Variants in GFPT1 observed in about 807,000 individuals in gnomAD.
The protein encoded by GFPT1 is glutamine--fructose-6-phosphate transaminase 1.
A neutral mutation model predicts 92.0 loss-of-function variants in GFPT1; 40 were observed. That is an observed-to-expected ratio of 0.43 (90% CI 0.34 to 0.57). The LOEUF (loss-of-function observed/expected upper bound fraction) is 0.57. Among genes scored for constraint, GFPT1 ranks in the 20% least tolerant of loss-of-function variants. GFPT1 has a pLI of 0.02. For synonymous variants in GFPT1, 269 were observed against 280.6 expected (o/e 0.96, Z 0.41); for missense variants, 448 against 869.1 (o/e 0.52, Z 6.09).
intron 2 of GFPT1, among the ~76,000 whole-genome samples, chr2:69,373,288 A>G (rs1050340878): frequency 1.3e-5 from 2 of 152,192 alleles, no homozygotes; most frequent in African/African-American, 4.8e-5. Flanking sequence ...GGTAGAACAT[A>G]AAGTTGCCAG....
chr2:69,344,109 G>C (rs1259398210), intron 12 of GFPT1, among the ~76,000 whole-genome samples: 1 of 134,038 alleles, frequency 7.5e-6, no homozygotes, highest in East Asian at 2.5e-4. Context: ...AATTACAAAT[G>C]TTTGAGAAGA....
chr2:69,342,783 C>T (rs1405421938), intron 12 of GFPT1, among the ~76,000 whole-genome samples: 3 of 152,160 alleles, frequency 2.0e-5, no homozygotes, highest in Non-Finnish European at 2.9e-5. Flanking sequence ...TCTCAATAAA[C>T]CTGTCTGGGA....
intron 13 of GFPT1, among the ~76,000 whole-genome samples, chr2:69,341,848 A>G (rs191336107): frequency 3.5e-4 from 54 of 152,324 alleles, no homozygotes; most frequent in Admixed American, 1.5e-3. Context: ...GCTCTTACAC[A>G]TGTAGGCAAG....
In GFPT1 at chr2:69,328,297, C is replaced by T; in HGVS notation, c.1867G>A (p.Ala623Thr). 1.2e-6 allele frequency: 2 copies of T among 1,613,970 alleles called. No individual in the cohort carries two copies. The highest frequency in any genetic ancestry group is 1.7e-6 in the Non-Finnish European group (2 of 1,179,858). Reference sequence around the variant, plus strand: ...TGCCGAGCAACCACTTGCTGAAGAGCATTCTGACACTTGGCATAAGTGTGA... The same window carrying T: ...TGCCGAGCAACCACTTGCTGAAGAGTATTCTGACACTTGGCATAAGTGTGA... ...RDHTYAKCQN[A>T]LQQVVARQGR... The change falls in exon 18 of 20, where the codon GCT (alanine) becomes ACT (threonine). Residue 623 changes from alanine (A) to threonine (T), a missense_variant. By Grantham distance (58) the Ala-to-Thr change is moderately conservative. Around this residue, in one of 7 missense-constraint regions of GFPT1, gnomAD observed 55 missense variants for 98.8 expected, o/e 0.56. Coordinates refer to ENST00000357308, the MANE Select transcript of GFPT1 (RefSeq NM_001244710.2).
chr2:69,383,618 A>G (rs1056810599), intron 1 of GFPT1, among the ~76,000 whole-genome samples: 2 of 151,958 alleles, frequency 1.3e-5, no homozygotes, highest in Non-Finnish European at 2.9e-5. Flanking sequence ...TTATTTATTT[A>G]TTTACTTATT....
In GFPT1 at chr2:69,379,386, G is replaced by T. The variant is rs1358476016; in HGVS notation, c.8-5273C>A. Among the ~76,000 whole-genome samples, 6 of 152,296 alleles carry T rather than the reference G, an allele frequency of 3.9e-5. No individual in the cohort carries two copies. The East Asian group carries it at 1.2e-3, about 29-fold the overall frequency. On this transcript the variant is annotated intron_variant, in intron 1 of 19. Coordinates refer to ENST00000357308, the MANE Select transcript of GFPT1 (RefSeq NM_001244710.2). ...CAAAAATAAAAAATTAGGCATGGTG[G>T]TGCATGCCTGTAGTCCCAGATACTT...
chr2:69,387,100 G>T lies in GFPT1; in HGVS notation c.-29C>A. The T allele has an allele frequency of 6.5e-7, 1 of 1,531,888 alleles. No individual in the cohort carries two copies. Among genetic ancestry groups the T allele is most frequent in the Non-Finnish European group, 8.7e-7 (1 of 1,144,788 alleles). The allele number at this position is 1,531,888 out of a possible 1,614,324, so 94.9% of individuals were successfully genotyped here. On this transcript the variant is annotated 5_prime_UTR_variant, in exon 1 of 20. The change creates a new upstream start codon in the 5' untranslated region. Transcript: ENST00000357308. ...GCCGGAGACACGGCCCGCGAGGCCA[G>T]GGGCGAGTGGCTGGCGGGATCGGGG...
At chr2:69,355,978 GCTTTCTTT>G (rs1671325988) in intron 7 of GFPT1, among the ~76,000 whole-genome samples, 1 of 130,352 alleles carries the variant, frequency 7.7e-6, no homozygotes, top group African/African-American at 2.9e-5. Flanking sequence ...AAATATATTT[GCTTTCTTT>G]TTTTTTTTTT....
At chr2:69,359,519 T>C (rs1574071184) in intron 4 of GFPT1, among the ~76,000 whole-genome samples, 193 bp from the exon 5 acceptor site, 1 of 152,324 alleles carries the variant, frequency 6.6e-6, no homozygotes, top group East Asian at 1.9e-4. Context: ...GCATTGTTTA[T>C]GTGGCATAGC....
At position 69,354,530 on chromosome 2, in the gene GFPT1, T is replaced by C. The variant is rs1200732185; in HGVS notation, c.644A>G (p.His215Arg). The C allele has an allele frequency of 6.2e-7, 1 of 1,611,402 alleles. No individual in the cohort carries two copies. Among genetic ancestry groups the C allele is most frequent in the Non-Finnish European group, 8.5e-7 (1 of 1,177,534 alleles). ...SPLLIGVRSE[H>R]KLSTDHIPIL... ...AGGAATGTGATCAGTAGAAAGTTTA[T>C]GTTCACTCCGTACACCAATCAACAG... Residue 215 changes from histidine (H) to arginine (R), a missense_variant, in exon 8 of 20, where the codon CAT (histidine) becomes CGT (arginine). Physicochemically the swap from His to Arg is conservative, Grantham distance 29 (BLOSUM62 0). Coordinates refer to ENST00000357308, the MANE Select transcript of GFPT1 (RefSeq NM_001244710.2).
rs748275251 is a variant in GFPT1, at chr2:69,342,186, A to G, written c.1169T>C (p.Ile390Thr). ...AGCATGGTAACTTGTTCCACAAGCA[A>G]TAAGAATCAAACGCCGGCATCTCTG... ...EIQRCRRLIL[I>T]ACGTSYHAGV... The change falls in exon 13 of 20, where the codon ATT (isoleucine) becomes ACT (threonine). Residue 390 changes from isoleucine (I) to threonine (T), a missense_variant. Physicochemically the swap from Ile to Thr is moderately conservative, Grantham distance 89. This residue lies in a region of GFPT1 where 121 missense variants were observed against 304.3 expected (regional missense o/e 0.40). Transcript: ENST00000357308. 2.5e-6 allele frequency: 4 copies of G among 1,611,062 alleles called. No individual in the cohort carries two copies. The highest frequency in any genetic ancestry group is 2.5e-6 in the Non-Finnish European group (3 of 1,177,452).
intron 18 of GFPT1, among the ~76,000 whole-genome samples, 175 bp downstream of exon 18, chr2:69,328,094 CAA>C (rs1175703265): frequency 3.0e-3 from 245 of 82,724 alleles, no homozygotes; most frequent in African/African-American, 7.4e-3. Context: ...GACTCCATCT[CAA>C]AAAAAAAAAA....
chr2:69,373,675 C>A (rs985774270), intron 2 of GFPT1, among the ~76,000 whole-genome samples: 2 of 151,924 alleles, frequency 1.3e-5, no homozygotes, highest in African/African-American at 2.4e-5. Context: ...TGTGTCAAAG[C>A]ATGAAATCAA....
chr2:69,350,150 CGA>C lies in GFPT1; in HGVS notation c.771_772del (p.Arg258CysfsTer22). On this transcript the variant is annotated frameshift_variant, in exon 10 of 20. Transcript: ENST00000357308. LOFTEE classifies it high-confidence loss of function. ...GAAAAGGCAGGTTGTGCTGTCCACA[CGA>C]GAGAGATTGCAGCTTCCTTTCTTGT... is the stretch of plus-strand genomic sequence containing the variant. The C allele has an allele frequency of 6.2e-7, 1 of 1,613,716 alleles. No homozygotes were observed. The highest frequency in any genetic ancestry group is 1.1e-5 in the South Asian group (1 of 91,054).
intron 4 of GFPT1, among the ~76,000 whole-genome samples, chr2:69,361,211 G>C (rs1054714735): frequency 3.9e-5 from 6 of 151,960 alleles, no homozygotes; most frequent in African/African-American, 1.4e-4. Context: ...ATTCTGGGGG[G>C]CTGAGATAGA....
At chr2:69,335,150 G>A (rs1288333400) in intron 15 of GFPT1, among the ~76,000 whole-genome samples, 4 of 151,854 alleles carry the variant, frequency 2.6e-5, no homozygotes, top group African/African-American at 9.7e-5. Flanking sequence ...GGGACTACAC[G>A]CACGCACCAC....
In GFPT1 at chr2:69,354,297, C is replaced by T. The variant is rs562425884; in HGVS notation, c.701G>A (p.Gly234Glu). 4 of 1,591,798 alleles carry T rather than the reference C, an allele frequency of 2.5e-6. No homozygotes were observed. The highest frequency in any genetic ancestry group is 1.3e-5 in the African/African-American group (1 of 74,866). The change falls in exon 9 of 20, where the codon GGA becomes GAA. Residue 234 changes from glycine (G) to glutamate (E), a missense_variant. Around this residue, in one of 7 missense-constraint regions of GFPT1, gnomAD observed 118 missense variants for 192.9 expected, o/e 0.61. Transcript: ENST00000357308. The part of the protein sequence containing the change: ...ILYRTARTQI[G>E]SKFTRWGSQG... ...TGATCCCCACCGTGTGAATTTTGAT[C>T]CAATCTGAGTCCTAGCTAAGGATAC...
At chr2:69,353,823 C>T (rs969123231) in intron 9 of GFPT1, among the ~76,000 whole-genome samples, 5 of 152,098 alleles carry the variant, frequency 3.3e-5, no homozygotes, top group African/African-American at 1.2e-4. Flanking sequence ...ATCAAGATAG[C>T]AAATGTAAAT....
In GFPT1 at chr2:69,359,253, G is replaced by A. The variant is rs1357797263; in HGVS notation, c.408+15C>T. On this transcript the variant is annotated intron_variant, in intron 5 of 19. Coordinates refer to ENST00000357308, the MANE Select transcript of GFPT1 (RefSeq NM_001244710.2). ...ATTCTCAAAGACTGGGGTCTTTTGA[G>A]GTCACCTTACTTACCAAAAACTTTT... 5 of 1,435,070 alleles carry A rather than the reference G, an allele frequency of 3.5e-6. No individual in the cohort carries two copies. Among genetic ancestry groups the A allele is most frequent in the Non-Finnish European group, 4.9e-6 (5 of 1,017,522 alleles). The allele number at this position is 1,435,070 out of a possible 1,614,324, so 88.9% of individuals were successfully genotyped here.
Sources: gnomAD v4.1 joint callset for allele counts (sites outside exome capture counted in the v4.1 genomes callset) on GRCh38, gnomAD v4.1.1 for gene constraint, gnomAD v4.1.1 regional missense constraint, MANE v1.5 for transcripts, NCBI Gene and HGNC (gene_info 2026-07-23, HGNC 2026-07-21) for gene names.